Variants in UTRN observed in about 807,000 individuals in gnomAD.
The protein encoded by UTRN is utrophin.
Under a neutral mutation model 463.9 loss-of-function variants are expected in UTRN, and 283 were observed. That is an observed-to-expected ratio of 0.61 (90% CI 0.55 to 0.67). UTRN has a LOEUF of 0.67. Among genes scored for constraint, UTRN ranks in the 30% least tolerant of loss-of-function variants. The pLI, the probability that UTRN is intolerant of heterozygous loss-of-function variation, is 0.00. For synonymous variants in UTRN, 1,442 were observed against 1,431.5 expected, an observed-to-expected ratio of 1.01 and a Z score of -0.17; for missense variants, 3,922 against 4,084.3, an observed-to-expected ratio of 0.96 and a Z score of 1.08.
chr6:144,466,236 G>C (rs965205423), intron 23 of UTRN, among the ~76,000 whole-genome samples: 9 of 152,214 alleles, frequency 5.9e-5, no homozygotes, highest in African/African-American at 2.2e-4. Context: ...CATTGATACA[G>C]CACATTTAAA....
At chr6:144,619,498 T>A (rs924477635) in intron 51 of UTRN, among the ~76,000 whole-genome samples, 1 of 152,148 alleles carries the variant, frequency 6.6e-6, no homozygotes, top group African/African-American at 2.4e-5. Flanking sequence ...AGAAGCCCAA[T>A]TTACCTTTAA....
At chr6:144,582,512 T>C (rs1802062973) in intron 51 of UTRN, among the ~76,000 whole-genome samples, 1 of 152,224 alleles carries the variant, frequency 6.6e-6, no homozygotes, top group Non-Finnish European at 1.5e-5. Flanking sequence ...ACTGGATTTT[T>C]ATATGATATA....
intron 2 of UTRN, among the ~76,000 whole-genome samples, chr6:144,390,196 A>G (rs1278461260): frequency 6.6e-6 from 1 of 152,174 alleles, no homozygotes; most frequent in Non-Finnish European, 1.5e-5. Flanking sequence ...AACGGGAGAC[A>G]CGCTGTATAA....
At chr6:144,755,095 A>G (rs998137157) in intron 57 of UTRN, among the ~76,000 whole-genome samples, 10 of 152,168 alleles carry the variant, frequency 6.6e-5, no homozygotes, top group Non-Finnish European at 1.2e-4. Context: ...ATAGGCAAAG[A>G]TTATGAACTT....
In UTRN at chr6:144,437,689, C is replaced by T. The variant is rs751530776; in HGVS notation, c.1184C>T (p.Thr395Ile). The part of the protein sequence containing the change: ...EEEFEIQEQM[T>I]LLNARWEALR... ...GAATTTGAGATTCAGGAACAGATGACCCTGCTGAATGCTAGATGGGAGGCT... is the reference window on the plus strand; with the variant it reads ...GAATTTGAGATTCAGGAACAGATGATCCTGCTGAATGCTAGATGGGAGGCT... The change falls in exon 11 of 75, where the codon ACC becomes ATC. Residue 395 changes from threonine (T) to isoleucine (I), a missense_variant. By Grantham distance (89) the Thr-to-Ile change is moderately conservative. Transcript: ENST00000367545. The T allele has an allele frequency of 2.7e-5, 43 of 1,614,006 alleles. No individual in the cohort carries two copies. Among genetic ancestry groups the T allele is most frequent in the Non-Finnish European group, 3.6e-5 (42 of 1,180,028 alleles).
chr6:144,629,339 A>T (rs1776277937), intron 51 of UTRN, among the ~76,000 whole-genome samples: 1 of 152,168 alleles, frequency 6.6e-6, no homozygotes. Flanking sequence ...GCAGCCACCG[A>T]TGCCAGTTTC....
At chr6:144,710,881 G>A (rs940451659) in intron 53 of UTRN, among the ~76,000 whole-genome samples, 1 of 152,148 alleles carries the variant, frequency 6.6e-6, no homozygotes, top group African/African-American at 2.4e-5. Flanking sequence ...AATTAGACAA[G>A]GGTCACCTTA....
chr6:144,666,442 G>T (rs538765814), intron 51 of UTRN, among the ~76,000 whole-genome samples: 1 of 152,170 alleles, frequency 6.6e-6, no homozygotes, highest in East Asian at 1.9e-4. Context: ...TGGCCAATTT[G>T]CCAGTCAATC....
chr6:144,528,660 G>A lies in UTRN; in HGVS notation c.5907-2392G>A, dbSNP rs1481855030. 3.9e-5 allele frequency among the ~76,000 whole-genome samples: 6 copies of A among 152,344 alleles called. No homozygotes were observed. In the East Asian group the frequency reaches 1.2e-3, roughly 29 times the overall value. On this transcript the variant is annotated intron_variant, in intron 41 of 74. Transcript: ENST00000367545. The stretch of plus-strand genomic sequence containing the variant: ...TGTGATGTGATGTGATCTGTCTTCA[G>A]GTCTCTCAGCTGTGGATACCAGCAC...
intron 51 of UTRN, among the ~76,000 whole-genome samples, chr6:144,648,963 CT>C (rs1239434216): frequency 6.6e-6 from 1 of 152,018 alleles, no homozygotes; most frequent in Non-Finnish European, 1.5e-5. Context: ...GCTTAACTCC[CT>C]TGGGGTGACA....
At chr6:144,479,469 G>A (rs115049554) in intron 25 of UTRN, among the ~76,000 whole-genome samples, 149 of 151,978 alleles carry the variant, frequency 9.8e-4, no homozygotes, top group African/African-American at 3.5e-3. Context: ...TCCATTATAA[G>A]TAGTGCTACA....
Position 144,291,784 on chromosome 6 carries a change from A to C in UTRN, c.-45A>C. The C allele has an allele frequency of 1.3e-6, 2 of 1,589,586 alleles. No individual in the cohort carries two copies. Among genetic ancestry groups the C allele is most frequent in the Non-Finnish European group, 1.7e-6 (2 of 1,165,452 alleles). On this transcript the variant is annotated 5_prime_UTR_variant, in exon 2 of 75. Coordinates refer to ENST00000367545, the MANE Select transcript of UTRN (RefSeq NM_007124.3). Reference sequence around the variant, plus strand: ...TCGTAGGAAGTTGAAAGCCTTAGAAAGAGGACTTGGTAAAGTTTTTGGATT... The same window carrying C: ...TCGTAGGAAGTTGAAAGCCTTAGAACGAGGACTTGGTAAAGTTTTTGGATT...
At chr6:144,287,874 A>G (rs1024855512) in intron 1 of UTRN, among the ~76,000 whole-genome samples, 2 of 152,228 alleles carry the variant, frequency 1.3e-5, no homozygotes, top group African/African-American at 2.4e-5. Flanking sequence ...GCATTTGTAT[A>G]GGGCTTGAAG....
chr6:144,525,800 T>G (rs1796522388), intron 41 of UTRN, among the ~76,000 whole-genome samples: 1 of 152,172 alleles, frequency 6.6e-6, no homozygotes. Flanking sequence ...TCTTTTAGAC[T>G]CTTTGATGTA....
chr6:144,754,908 A>G (rs1791821159), intron 57 of UTRN, 110 bp downstream of exon 57: 1 of 1,060,558 alleles, frequency 9.4e-7, no homozygotes. Flanking sequence ...ATTTAGATAG[A>G]TCCTTGTAAG....
At chr6:144,782,719 C>A (rs1467631218) in intron 61 of UTRN, among the ~76,000 whole-genome samples, 1 of 151,886 alleles carries the variant, frequency 6.6e-6, no homozygotes, top group African/African-American at 2.4e-5. Context: ...ACTCACTGTT[C>A]ATAAAGCACA....
At chr6:144,472,312 CT>C (rs760604326) in intron 23 of UTRN, among the ~76,000 whole-genome samples, 1,841 of 134,930 alleles carry the variant, frequency 0.014, 31 homozygotes, top group African/African-American at 0.04. Flanking sequence ...ACTTTCTTTT[CT>C]TTTTTTTTTT....
intron 2 of UTRN, among the ~76,000 whole-genome samples, chr6:144,347,763 G>A (rs1314082873): frequency 6.6e-6 from 1 of 151,942 alleles, no homozygotes; most frequent in African/African-American, 2.4e-5. Context: ...GGCTGAGTGT[G>A]TGTGTGTGAA....
Position 144,751,916 on chromosome 6 carries a change from G to C in UTRN, c.8319G>C (p.Gln2773His). ...ATCCCTCTCTAAAGATGTCTCGCCA[G>C]CTAGATGACCTTAATATGCGATGGA... is the stretch of plus-strand genomic sequence containing the variant. ...DLHPSLKMSR[Q>H]LDDLNMRWKL... is the part of the protein sequence containing the mutation. Residue 2773 changes from glutamine (Q) to histidine (H), a missense_variant, in exon 56 of 75, where the codon CAG becomes CAC. Gln to His is a conservative substitution (Grantham distance 24, BLOSUM62 0). Around this residue, in one of 3 missense-constraint regions of UTRN, gnomAD observed 1,309 missense variants for 1,452.6 expected, o/e 0.90. Transcript: ENST00000367545. 1.2e-6 allele frequency: 2 copies of C among 1,611,150 alleles called. No homozygotes were observed. The highest frequency in any genetic ancestry group is 1.7e-6 in the Non-Finnish European group (2 of 1,178,680).
Sources: gnomAD v4.1 joint callset for allele counts (sites outside exome capture counted in the v4.1 genomes callset) on GRCh38, gnomAD v4.1.1 for gene constraint, gnomAD v4.1.1 regional missense constraint, MANE v1.5 for transcripts, NCBI Gene and HGNC (gene_info 2026-07-23, HGNC 2026-07-21) for gene names.